Variants in ROBO2 observed in about 807,000 individuals in gnomAD.
The protein encoded by ROBO2 is roundabout guidance receptor 2, also known as roundabout homolog 2.
In ROBO2, 53 loss-of-function variants were observed where a neutral mutation model predicts 160.8. The ratio of observed to expected loss-of-function variants is 0.33; its 90% CI spans 0.26 to 0.41. The LOEUF is 0.41. Among genes scored for constraint, ROBO2 ranks in the 10% least tolerant of loss-of-function variants. The probability of loss-of-function intolerance (pLI) is 1.00; values close to 1 mark genes in which losing one functional copy is unlikely to be tolerated. For synonymous variants in ROBO2, 664 were observed against 611.7 expected (o/e 1.09, Z -1.26); for missense variants, 1,577 against 1,722.4 (o/e 0.92, Z 1.49).
chr3:76,012,624 T>C lies in ROBO2; in HGVS notation c.109+75022T>C, dbSNP rs568179859. Among the ~76,000 whole-genome samples, 3 of 152,296 alleles carry C rather than the reference T, an allele frequency of 2.0e-5. No individual in the cohort carries two copies. The East Asian group carries it at 5.8e-4, about 29-fold the overall frequency. ...TGGGGATATTTGTGACTGGAAGCTT[T>C]TTTTTTTCCCGTTAGCCAAATAAAT... On this transcript the variant is annotated intron_variant, in intron 2 of 26. Coordinates refer to the ROBO2 transcript ENST00000487694.
Position 77,098,190 on chromosome 3 carries a change from TC to T in ROBO2, c.241del (p.His81ThrfsTer40). The T allele has an allele frequency of 6.2e-7, 1 of 1,614,100 alleles. No individual in the cohort carries two copies. Among genetic ancestry groups the T allele is most frequent in the Non-Finnish European group, 8.5e-7 (1 of 1,180,022 alleles). On this transcript the variant is annotated frameshift_variant, in exon 2 of 26. Transcript: ENST00000461745. LOFTEE classifies it high-confidence loss of function. ...GGAGACTGACAAGGACGATCCCCGGTCCCACAGGATGCTTCTGCCCAGCGGA... is the reference window on the plus strand; with the variant it reads ...GGAGACTGACAAGGACGATCCCCGGTCCACAGGATGCTTCTGCCCAGCGGA...
At chr3:76,741,878 T>C (rs2093807062) in intron 2 of ROBO2, among the ~76,000 whole-genome samples, 1 of 152,080 alleles carries the variant, frequency 6.6e-6, no homozygotes, top group Non-Finnish European at 1.5e-5. Context: ...CTTTAGGGCA[T>C]TGAGAGGTAA....
chr3:77,450,240 G>A (rs1277631744), intron 2 of ROBO2, among the ~76,000 whole-genome samples: 1 of 152,050 alleles, frequency 6.6e-6, no homozygotes, highest in Non-Finnish European at 1.5e-5. Context: ...TTACTTTGAT[G>A]TTAAATGAGA....
intron 2 of ROBO2, among the ~76,000 whole-genome samples, chr3:76,826,598 A>G (rs1447940885): frequency 3.3e-5 from 5 of 152,042 alleles, no homozygotes; most frequent in Non-Finnish European, 5.9e-5. Flanking sequence ...GGTATGCAGG[A>G]CCTCCCATAC....
intron 2 of ROBO2, among the ~76,000 whole-genome samples, chr3:76,960,462 G>C (rs2079569349): frequency 6.6e-6 from 1 of 150,380 alleles, no homozygotes; most frequent in African/African-American, 2.4e-5. Context: ...TATATATATA[G>C]CATGTAAATT....
At chr3:76,297,672 C>G (rs375638375) in intron 2 of ROBO2, among the ~76,000 whole-genome samples, 1 of 37,714 alleles carries the variant, frequency 2.7e-5, no homozygotes, top group African/African-American at 9.8e-5. Context: ...AAAAAAAGAT[C>G]AAAGTACTTG....
chr3:76,128,226 A>T (rs2071078569), intron 2 of ROBO2, among the ~76,000 whole-genome samples: 1 of 152,126 alleles, frequency 6.6e-6, no homozygotes, highest in African/African-American at 2.4e-5. Flanking sequence ...CATGTAAAGC[A>T]GCAACACTGA....
In ROBO2 at chr3:77,563,962, A is replaced by G. The variant is rs539496998; in HGVS notation, c.1682+633A>G. ...ATCAGTATAAAATTGTCCTATGAAAATTTGATAAAATGCTTACACAAATGG... is the reference window on the plus strand; with the variant it reads ...ATCAGTATAAAATTGTCCTATGAAAGTTTGATAAAATGCTTACACAAATGG... On this transcript the variant is annotated intron_variant, in intron 11 of 25. Transcript: ENST00000461745. Among the ~76,000 whole-genome samples the G allele has an allele frequency of 2.5e-4, 38 of 152,226 alleles. 1 individual carries two copies. The highest frequency in any genetic ancestry group is 8.7e-4 in the African/African-American group (36 of 41,560).
At chr3:76,532,966 G>A (rs3913577) in intron 2 of ROBO2, among the ~76,000 whole-genome samples, 6,857 of 152,166 alleles carry the variant, frequency 0.045, 565 homozygotes, top group African/African-American at 0.16. Context: ...CTAGTAGAAA[G>A]AAAATAATCC....
intron 2 of ROBO2, among the ~76,000 whole-genome samples, chr3:76,096,951 TCTTTGCTACATGAGAATCTGAC>T (rs1463616409): frequency 6.6e-6 from 1 of 152,194 alleles, no homozygotes; most frequent in Non-Finnish European, 1.5e-5. Flanking sequence ...AAACTCTCTG[TCTTTGCTACATGAGAATCTGAC>T]TTTTGGCTAA....
chr3:77,420,847 A>G (rs1400624520), intron 2 of ROBO2, among the ~76,000 whole-genome samples: 1 of 152,120 alleles, frequency 6.6e-6, no homozygotes, highest in East Asian at 1.9e-4. Flanking sequence ...ATGCTATATC[A>G]TTGCACTCTA....
At chr3:77,109,724 A>G (rs1005181292) in intron 2 of ROBO2, among the ~76,000 whole-genome samples, 6 of 152,166 alleles carry the variant, frequency 3.9e-5, no homozygotes, top group African/African-American at 7.2e-5. Flanking sequence ...TTTTCTCTCT[A>G]TTGTATTTGA....
At chr3:76,011,064 TGAA>T (rs968251031) in intron 2 of ROBO2, among the ~76,000 whole-genome samples, 6 of 152,208 alleles carry the variant, frequency 3.9e-5, no homozygotes, top group African/African-American at 1.2e-4. Context: ...GATATAACCT[TGAA>T]GAAAACTGCG....
intron 2 of ROBO2, among the ~76,000 whole-genome samples, chr3:76,680,636 T>C (rs1575919516): frequency 6.6e-6 from 1 of 152,122 alleles, no homozygotes. Context: ...TTGTGTGATA[T>C]AGATTTTTTT....
intron 2 of ROBO2, among the ~76,000 whole-genome samples, chr3:76,212,010 A>T (rs1703176077): frequency 6.6e-6 from 1 of 152,038 alleles, no homozygotes; most frequent in Non-Finnish European, 1.5e-5. Context: ...TTTGAAGTAG[A>T]TTTCTAGAAA....
At chr3:76,825,603 C>CAAAAAAAAAAAAAAA (rs201063990) in intron 2 of ROBO2, among the ~76,000 whole-genome samples, 10 of 72,494 alleles carry the variant, frequency 1.4e-4, no homozygotes, top group Non-Finnish European at 1.4e-4. Context: ...TCATCTTAGC[C>CAAAAAAAAAAAAAAA]AAAAAAAAAA....
intron 2 of ROBO2, among the ~76,000 whole-genome samples, chr3:76,447,948 C>G (rs971891032): frequency 6.7e-6 from 1 of 150,250 alleles, no homozygotes; most frequent in African/African-American, 2.4e-5. Flanking sequence ...TGTTAAATGA[C>G]GAGTTAATGG....
intron 2 of ROBO2, among the ~76,000 whole-genome samples, chr3:76,206,617 T>C (rs1372277646): frequency 6.6e-6 from 1 of 152,190 alleles, no homozygotes; most frequent in East Asian, 1.9e-4. Context: ...GTGTGAAAAG[T>C]TCCGAGAGCC....
chr3:77,055,151 T>G (rs2065614572), intron 1 of ROBO2, among the ~76,000 whole-genome samples: 1 of 152,196 alleles, frequency 6.6e-6, no homozygotes. Context: ...CTTTTACAGT[T>G]AATTTTTTAA....
Sources: gnomAD v4.1 joint callset for allele counts (sites outside exome capture counted in the v4.1 genomes callset) on GRCh38, gnomAD v4.1.1 for gene constraint, MANE v1.5 for transcripts, NCBI Gene and HGNC (gene_info 2026-07-23, HGNC 2026-07-21) for gene names.